Variants in MAPK10 observed in about 807,000 individuals in gnomAD.
MAPK10 encodes JNK3 alpha protein kinase.
MAPK10 carries 25 observed loss-of-function variants against 59.3 expected under a neutral mutation model. The observed-to-expected ratio is 0.42, with a 90% CI of 0.31 to 0.59. The LOEUF (loss-of-function observed/expected upper bound fraction) is 0.59, where lower values mean the gene tolerates loss of function less well. MAPK10 is among the 20% of genes least tolerant of loss of function. MAPK10 has a pLI of 0.15. For missense variants in MAPK10, 351 were observed against 568.9 expected, an observed-to-expected ratio of 0.62 and a Z score of 3.90; for synonymous variants, 190 against 200.5, an observed-to-expected ratio of 0.95 and a Z score of 0.44.
At chr4:86,382,312 C>G (rs903395467) in intron 1 of MAPK10, among the ~76,000 whole-genome samples, 7 of 152,124 alleles carry the variant, frequency 4.6e-5, no homozygotes, top group Non-Finnish European at 7.4e-5. Flanking sequence ...ACTGACCCCC[C>G]ACTCAGTCTT....
intron 2 of MAPK10, among the ~76,000 whole-genome samples, chr4:86,303,235 T>G (rs1026198332): frequency 6.6e-6 from 1 of 152,198 alleles, no homozygotes; most frequent in African/African-American, 2.4e-5. Context: ...CTAAATTATA[T>G]TTTTCCATAA....
chr4:86,386,674 T>C (rs1741517235), intron 1 of MAPK10, among the ~76,000 whole-genome samples: 1 of 151,924 alleles, frequency 6.6e-6, no homozygotes, highest in Admixed American at 6.6e-5. Context: ...CATAACACAA[T>C]GTCTGATTCT....
At chr4:86,194,508 T>C (rs971862474) in intron 2 of MAPK10, 101 bp from the exon 3 acceptor site, 3 of 731,292 alleles carry the variant, frequency 4.1e-6, no homozygotes, top group African/African-American at 1.7e-5. Context: ...CAAAGTACCA[T>C]GCACAACATA....
chr4:86,107,322 A>G lies in MAPK10; in HGVS notation c.267T>C (p.Asn89=). Reference sequence around the variant, plus strand: ...GTCTGCTGAGCTTCTTAATGGCCACATTTCTGTCAAGGACAGCATCATACG... The same window carrying G: ...GTCTGCTGAGCTTCTTAATGGCCACGTTTCTGTCAAGGACAGCATCATACG... ...CAAYDAVLDR[N]VAIKKLSRPF... Residue 89 remains asparagine (N), a synonymous_variant, in exon 5 of 14, where the codon AAT becomes AAC. Transcript: ENST00000641462. The G allele has an allele frequency of 6.2e-7, 1 of 1,613,298 alleles. No individual in the cohort carries two copies. The highest frequency in any genetic ancestry group is 8.5e-7 in the Non-Finnish European group (1 of 1,179,478).
At chr4:86,149,328 G>A (rs865867519) in intron 4 of MAPK10, among the ~76,000 whole-genome samples, 27 of 151,954 alleles carry the variant, frequency 1.8e-4, no homozygotes, top group African/African-American at 6.5e-4. Context: ...GTGAAGTGCC[G>A]CAATCTCGGC....
At chr4:86,224,571 T>G (rs1352899507) in intron 2 of MAPK10, among the ~76,000 whole-genome samples, 2 of 152,136 alleles carry the variant, frequency 1.3e-5, no homozygotes, top group Non-Finnish European at 2.9e-5. Flanking sequence ...TTTATCAGAT[T>G]TGTGTTTTAA....
upstream of MAPK10, among the ~76,000 whole-genome samples, chr4:86,364,101 T>C (rs1478891230): frequency 1.8e-4 from 3 of 16,918 alleles, no homozygotes; most frequent in Non-Finnish European, 8.8e-4. Flanking sequence ...CTCTTTATTG[T>C]TGTTGTTGTT....
At chr4:86,487,874 A>G (rs1303111886) in intron 1 of MAPK10, among the ~76,000 whole-genome samples, 2 of 152,194 alleles carry the variant, frequency 1.3e-5, no homozygotes, top group African/African-American at 4.8e-5. Context: ...TAAGAGGTGA[A>G]GGAGTTCTGA....
At chr4:86,509,474 C>A (rs868098677) in intron 1 of MAPK10, among the ~76,000 whole-genome samples, 43 of 146,604 alleles carry the variant, frequency 2.9e-4, no homozygotes, top group Non-Finnish European at 4.1e-4. Flanking sequence ...AAAAAAAAAA[C>A]AAACAAAAAA....
intron 2 of MAPK10, among the ~76,000 whole-genome samples, chr4:86,342,841 C>A (rs902617938): frequency 1.3e-5 from 2 of 152,174 alleles, no homozygotes; most frequent in Non-Finnish European, 2.9e-5. Flanking sequence ...CTCTCTCCTT[C>A]CTTTTAACTG....
chr4:86,222,482 C>T (rs1009936687), intron 2 of MAPK10, among the ~76,000 whole-genome samples: 2 of 152,148 alleles, frequency 1.3e-5, no homozygotes, highest in African/African-American at 2.4e-5. Flanking sequence ...CACACTTTGC[C>T]TTAACTTGGG....
chr4:86,194,407 C>A lies in MAPK10; in HGVS notation c.-6G>T, dbSNP rs1439593900. 5.8e-6 allele frequency: 9 copies of A among 1,557,552 alleles called. No individual in the cohort carries two copies. Among genetic ancestry groups the A allele is most frequent in the Non-Finnish European group, 8.0e-6 (9 of 1,129,594 alleles). ...TATAAGAAATGGAGGCTCATAAATA[C>A]CTAGAGGAAAAAGAAATGGAGCATA... is the stretch of plus-strand genomic sequence containing the variant. On this transcript the variant is annotated splice_region_variant and 5_prime_UTR_variant, in exon 3 of 14. Transcript: ENST00000641462.
At chr4:86,577,097 G>A (rs963599274) in intron 1 of MAPK10, among the ~76,000 whole-genome samples, 22 of 152,084 alleles carry the variant, frequency 1.4e-4, no homozygotes, top group African/African-American at 5.3e-4. Flanking sequence ...TTTGAGCCCA[G>A]AGTTTGAGAC....
chr4:86,168,202 C>T (rs147050415), intron 3 of MAPK10, among the ~76,000 whole-genome samples: 4,600 of 152,276 alleles, frequency 0.03, 93 homozygotes, highest in South Asian at 0.041. Flanking sequence ...GAGTGCCAGA[C>T]AGTGGGTGCA....
chr4:86,577,238 G>A (rs1324544697), intron 1 of MAPK10, among the ~76,000 whole-genome samples: 2 of 152,090 alleles, frequency 1.3e-5, no homozygotes, highest in Non-Finnish European at 2.9e-5. Context: ...TTGAGCCTGG[G>A]AGGTTGAGAC....
chr4:86,135,384 C>A (rs1460083855), intron 4 of MAPK10, among the ~76,000 whole-genome samples: 1 of 152,180 alleles, frequency 6.6e-6, no homozygotes, highest in Non-Finnish European at 1.5e-5. Context: ...GACCCCTGAC[C>A]CCCGAGCAGC....
chr4:86,050,172 C>G (rs1014399794), intron 11 of MAPK10, among the ~76,000 whole-genome samples: 4 of 152,086 alleles, frequency 2.6e-5, no homozygotes, highest in Admixed American at 2.0e-4. Flanking sequence ...CCATTTGAGG[C>G]TTTTCTTCCT....
At chr4:86,555,204 T>G (rs1340576509) in intron 1 of MAPK10, among the ~76,000 whole-genome samples, 2 of 152,224 alleles carry the variant, frequency 1.3e-5, no homozygotes, top group African/African-American at 4.8e-5. Context: ...TCCTAGCACT[T>G]TGGGAGGCCG....
chr4:86,289,864 G>C (rs935692428), intron 2 of MAPK10, among the ~76,000 whole-genome samples: 12 of 152,010 alleles, frequency 7.9e-5, no homozygotes, highest in Admixed American at 7.9e-4. Flanking sequence ...AGCAGAAAAG[G>C]GCTCGTGGAG....
Sources: allele counts gnomAD v4.1 joint callset (sites outside exome capture counted in the v4.1 genomes callset), GRCh38; gene constraint gnomAD v4.1.1; transcripts MANE v1.5; gene names NCBI Gene and HGNC (gene_info 2026-07-23, HGNC 2026-07-21).